HYCC2: variants seen among roughly 807,000 people sequenced by gnomAD.
The protein encoded by HYCC2 is hyccin PI4KA lipid kinase complex subunit 2, also known as hyccin 2.
At chr2:201,060,055 G>A in the HYCC2 span, among the ~76,000 whole-genome samples, 6 of 85,776 alleles carry the variant, frequency 7.0e-5, no homozygotes, top group South Asian at 3.7e-4. Flanking sequence ...AAAAAAAAGC[G>A]GGGGGGGGGG....
At chr2:200,981,377 G>A in the HYCC2 span, 19 of 1,614,010 alleles carry the variant, frequency 1.2e-5, no homozygotes, top group African/African-American at 4.0e-5. This position sits in a 1 kb window ranked among gnomAD's most constrained non-coding sequence, Gnocchi z 4.5. Flanking sequence ...TGACCTAGCC[G>A]GTCTTCCTGC....
At chr2:201,044,602 A>C in the HYCC2 span, among the ~76,000 whole-genome samples, 1 of 152,222 alleles carries the variant, frequency 6.6e-6, no homozygotes, top group Non-Finnish European at 1.5e-5. Flanking sequence ...AGAATAATGC[A>C]TGTCGCTATG....
the HYCC2 span, among the ~76,000 whole-genome samples, chr2:200,991,936 C>T: frequency 1.3e-4 from 19 of 150,394 alleles, no homozygotes; most frequent in African/African-American, 4.4e-4. Flanking sequence ...GTGTTTATGT[C>T]GGGGCCGGGG....
the HYCC2 span, chr2:200,975,589 T>G: frequency 6.6e-6 from 1 of 152,132 alleles, no homozygotes; most frequent in Non-Finnish European, 1.5e-5. Flanking sequence ...TATGCCTTAA[T>G]TTGTAAACAT....
chr2:201,030,475 A>T, the HYCC2 span, among the ~76,000 whole-genome samples: 7 of 152,016 alleles, frequency 4.6e-5, no homozygotes, highest in African/African-American at 1.4e-4. Context: ...ATGTAGGTAA[A>T]TATGTTATTT....
chr2:201,032,074 C>T, the HYCC2 span, among the ~76,000 whole-genome samples: 3 of 152,146 alleles, frequency 2.0e-5, no homozygotes, highest in Non-Finnish European at 4.4e-5. Flanking sequence ...AATTCTCCCG[C>T]CTCAGCCTCC....
the HYCC2 span, chr2:201,071,437 C>T: frequency 6.6e-6 from 1 of 152,650 alleles, no homozygotes; most frequent in Non-Finnish European, 1.5e-5. Flanking sequence ...CTCCTCACGA[C>T]CCTCCCAAGA....
the HYCC2 span, among the ~76,000 whole-genome samples, chr2:201,043,649 C>A: frequency 6.6e-6 from 1 of 151,816 alleles, no homozygotes; most frequent in South Asian, 2.1e-4. Flanking sequence ...CCTGGGACTA[C>A]AGGCGCCTGC....
the HYCC2 span, among the ~76,000 whole-genome samples, chr2:201,053,821 G>A: frequency 5.3e-5 from 8 of 152,110 alleles, no homozygotes; most frequent in East Asian, 3.8e-4. Context: ...AAAATTCGCC[G>A]GGCATGGTGG....
At chr2:201,063,777 G>A in the HYCC2 span, 3 of 1,590,814 alleles carry the variant, frequency 1.9e-6, no homozygotes, top group South Asian at 3.3e-5. Context: ...GGCTTTGGTG[G>A]CAGCCGTGGT....
At chr2:201,011,480 CA>C in the HYCC2 span, 37 of 1,460,486 alleles carry the variant, frequency 2.5e-5, no homozygotes, top group South Asian at 5.3e-5. Flanking sequence ...TTCCTATAGT[CA>C]AAAAATATAC....
the HYCC2 span, chr2:201,009,081 G>A: frequency 6.2e-7 from 1 of 1,603,604 alleles, no homozygotes; most frequent in Admixed American, 1.7e-5. Flanking sequence ...GGATCCAATT[G>A]TTGAAGGCTA....
chr2:201,022,007 G>T, the HYCC2 span: 1 of 1,119,834 alleles, frequency 8.9e-7, no homozygotes, highest in Non-Finnish European at 1.2e-6. Context: ...TTAGTGGTAG[G>T]ACAAAAATGA....
At chr2:200,999,062 T>G in the HYCC2 span, among the ~76,000 whole-genome samples, 26 of 152,054 alleles carry the variant, frequency 1.7e-4, no homozygotes, top group Non-Finnish European at 2.8e-4. Context: ...GAAGATTAAG[T>G]GAAGTGAAAT....
At chr2:201,030,394 C>T in the HYCC2 span, among the ~76,000 whole-genome samples, 1 of 151,698 alleles carries the variant, frequency 6.6e-6, no homozygotes, top group East Asian at 1.9e-4. Flanking sequence ...TTAGCCCAAC[C>T]ACTCATTCCA....
chr2:201,038,929 A>T, the HYCC2 span, among the ~76,000 whole-genome samples: 4 of 137,010 alleles, frequency 2.9e-5, no homozygotes, highest in African/African-American at 1.0e-4. Flanking sequence ...ATTGTTGATT[A>T]AAAAAAAAAA....
the HYCC2 span, chr2:201,011,267 C>A: frequency 1.9e-6 from 1 of 533,866 alleles, no homozygotes; most frequent in Non-Finnish European, 3.2e-6. Context: ...TAATAACAAA[C>A]ATCCACTTTT....
At chr2:200,997,968 G>A in the HYCC2 span, among the ~76,000 whole-genome samples, 2 of 152,124 alleles carry the variant, frequency 1.3e-5, no homozygotes, top group Non-Finnish European at 2.9e-5. Flanking sequence ...CCCGGGAGGC[G>A]GAGGTTGCAG....
the HYCC2 span, among the ~76,000 whole-genome samples, chr2:201,003,708 TAAA>T: frequency 7.8e-6 from 1 of 128,242 alleles, no homozygotes; most frequent in Non-Finnish European, 1.7e-5. Flanking sequence ...GACTCCATCT[TAAA>T]AAAAAAAAAA....
Sources: allele counts gnomAD v4.1 joint callset (sites outside exome capture counted in the v4.1 genomes callset), GRCh38; gene constraint gnomAD v4.1.1; non-coding constraint Gnocchi (gnomAD v3.1); transcripts MANE v1.5; gene names NCBI Gene and HGNC (gene_info 2026-07-23, HGNC 2026-07-21).